The following HMCN2 variants were observed in gnomAD, a reference collection of about 807,000 sequenced individuals.
HMCN2 encodes hemicentin 2.
A neutral mutation model predicts 377.5 loss-of-function variants in HMCN2; 325 were observed. The ratio of observed to expected loss-of-function variants is 0.86; its 90% CI spans 0.79 to 0.94. The LOEUF (loss-of-function observed/expected upper bound fraction) is 0.94. Ranked by LOEUF, HMCN2 falls within the 40% of genes least tolerant of loss-of-function variation. HMCN2 has a pLI of 0.00. For missense variants in HMCN2, 4,543 were observed against 4,725.3 expected (o/e 0.96, Z 1.13); for synonymous variants, 2,007 against 2,046.8 (o/e 0.98, Z 0.53).
In HMCN2 at chr9:130,404,929, T is replaced by G. The variant is rs918675014; in HGVS notation, c.12209T>G (p.Phe4070Cys). 3.1e-6 allele frequency: 4 copies of G among 1,288,532 alleles called. No individual in the cohort carries two copies. The highest frequency in any genetic ancestry group is 1.5e-5 in the African/African-American group (1 of 65,850). The allele number at this position is 1,288,532 out of a possible 1,614,324, so 79.8% of individuals were successfully genotyped here. A position where few individuals can be genotyped will look rare whatever the true frequency, so the allele number is the denominator to read the frequency against. Residue 4070 changes from phenylalanine (F) to cysteine (C), a missense_variant, in exon 81 of 98, where the codon TTC (phenylalanine) becomes TGC (cysteine). Physicochemically the swap from Phe to Cys is radical, Grantham distance 205. Coordinates refer to ENST00000683500, the MANE Select transcript of HMCN2 (RefSeq NM_001291815.2). ...DLSTTEGSHA[F>C]LPCKARGSPE... is the part of the protein sequence containing the mutation. ...TCCACCACCGAAGGCTCCCACGCCT[T>G]CTTGCCTTGCAAGGCGAGGGGCAGT...
At chr9:130,366,467 ATTTT>A (rs71499234) in intron 43 of HMCN2, among the ~76,000 whole-genome samples, 10 of 82,972 alleles carry the variant, frequency 1.2e-4, no homozygotes, top group Non-Finnish European at 1.3e-4. Context: ...CACTTCACCA[ATTTT>A]TTTTTTTTTT....
At chr9:130,294,762 C>A (rs556063868) in intron 4 of HMCN2, 93 bp from the exon 5 acceptor site, 3 of 345,236 alleles carry the variant, frequency 8.7e-6, no homozygotes, top group East Asian at 9.1e-5. Flanking sequence ...TGGCCTTGGG[C>A]GACCTGGAAA....
rs547989442 is a variant in HMCN2 at position 130,433,375 on chromosome 9, C to T, written c.14922C>T (p.Asp4974=). The change falls in exon 98 of 98, where the codon GAC becomes GAT. Residue 4974 remains aspartate (D), a synonymous_variant. Transcript: ENST00000683500. Reference sequence around the variant, plus strand: ...CGTGCTTCCGGCGCTGCTCGCAGGACTGCGGCACGGGCGGCCCCTCTACGC... The same window carrying T: ...CGTGCTTCCGGCGCTGCTCGCAGGATTGCGGCACGGGCGGCCCCTCTACGC... ...PGTCFRRCSQ[D]CGTGGPSTLQ... 4,385 of 1,477,320 alleles carry T rather than the reference C, an allele frequency of 3.0e-3. 12 individuals carry two copies. The highest frequency in any genetic ancestry group is 3.9e-3 in the Admixed American group (167 of 42,762). The allele number at this position is 1,477,320 out of a possible 1,614,324, so 91.5% of individuals were successfully genotyped here.
intron 25 of HMCN2, among the ~76,000 whole-genome samples, chr9:130,344,601 T>C (rs1412648048): frequency 1.3e-5 from 2 of 150,508 alleles, no homozygotes; most frequent in Admixed American, 1.3e-4. Context: ...TGTGTGTATG[T>C]GTATGGTGTT....
chr9:130,289,438 C>G (rs1291129550), intron 4 of HMCN2, among the ~76,000 whole-genome samples: 1 of 152,120 alleles, frequency 6.6e-6, no homozygotes, highest in African/African-American at 2.4e-5. Context: ...CTGGACCCCT[C>G]CCAGGGGGAG....
chr9:130,372,433 G>A, intron 47 of HMCN2, 26 bp downstream of exon 47: 1 of 932,498 alleles, frequency 1.1e-6, no homozygotes, highest in Non-Finnish European at 1.3e-6. Flanking sequence ...ATTCTCATGG[G>A]TGCCCTATGA....
At chr9:130,430,705 A>G in intron 95 of HMCN2, 101 bp downstream of exon 95, 5 of 1,150,418 alleles carry the variant, frequency 4.3e-6, no homozygotes, top group Non-Finnish European at 6.1e-6. Flanking sequence ...AGAAACCCAG[A>G]CCTTCCAGGC....
Position 130,353,087 on chromosome 9 carries a change from TA to T in HMCN2, c.4747del (p.Arg1583GlyfsTer54). The T allele has an allele frequency of 7.7e-7, 1 of 1,304,200 alleles. No individual in the cohort carries two copies. Among genetic ancestry groups the T allele is most frequent in the Non-Finnish European group, 1.0e-6 (1 of 988,932 alleles). 80.8% of individuals were successfully genotyped at this position (1,304,200 alleles called of 1,614,324 possible). Reference sequence around the variant, plus strand: ...CCACCAGCACCAAGGTGGTCTACACTAGGGGCGGTCGGCAGTTGCAGCTGGG... The same window carrying T: ...CCACCAGCACCAAGGTGGTCTACACTGGGGCGGTCGGCAGTTGCAGCTGGG... Reference protein sequence around the residue: ...LPTSTKVVYTRGGRQLQLGRA... With the variant: ...LPTSTKVVYTXGGRQLQLGRA... On this transcript the variant is annotated frameshift_variant, in exon 31 of 98. Coordinates refer to ENST00000683500, the MANE Select transcript of HMCN2 (RefSeq NM_001291815.2). LOFTEE classifies it high-confidence loss of function.
Position 130,428,920 on chromosome 9 carries a change from A to T in HMCN2, c.14197+431A>T, listed in dbSNP as rs955761168. Among the ~76,000 whole-genome samples the T allele has an allele frequency of 2.0e-5, 3 of 152,214 alleles. No homozygotes were observed. Among genetic ancestry groups the T allele is most frequent in the African/African-American group, 7.2e-5 (3 of 41,456 alleles). On this transcript the variant is annotated intron_variant, in intron 93 of 97. Coordinates refer to ENST00000683500, the MANE Select transcript of HMCN2 (RefSeq NM_001291815.2). This position sits in a 1 kb window ranked among gnomAD's most constrained non-coding sequence, Gnocchi z 5.0. Reference sequence around the variant, plus strand: ...TCAGTCAGCCTTTGAGATAAAACTTAGGTGCCACCCCTGGATGGGTGACCT... The same window carrying T: ...TCAGTCAGCCTTTGAGATAAAACTTTGGTGCCACCCCTGGATGGGTGACCT...
chr9:130,404,308 C>T (rs553976910), intron 80 of HMCN2, among the ~76,000 whole-genome samples: 143 of 152,306 alleles, frequency 9.4e-4, no homozygotes, highest in African/African-American at 3.4e-3. Flanking sequence ...TCTCAGTGGC[C>T]ATCCCCGCCC....
At chr9:130,431,181 C>T (rs980553721) in intron 95 of HMCN2, 186 bp from the exon 96 acceptor site, 6 of 628,438 alleles carry the variant, frequency 9.5e-6, no homozygotes, top group Non-Finnish European at 1.4e-5. Context: ...AGGTGGGGCT[C>T]CTCCCTCTCA....
intron 82 of HMCN2, chr9:130,407,242 C>A: frequency 5.5e-6 from 1 of 180,540 alleles, no homozygotes; most frequent in Non-Finnish European, 1.2e-5. Flanking sequence ...AAGAGTGAAA[C>A]TGTCTCAAAG....
intron 30 of HMCN2, among the ~76,000 whole-genome samples, chr9:130,352,460 AAGG>A (rs1467859897): frequency 3.9e-5 from 6 of 152,216 alleles, no homozygotes; most frequent in African/African-American, 1.2e-4. Context: ...ACCCGGATAG[AAGG>A]AGATTTGGGA....
At chr9:130,334,718 TC>T (rs1404314322) in intron 22 of HMCN2, among the ~76,000 whole-genome samples, 6 of 124,950 alleles carry the variant, frequency 4.8e-5, no homozygotes, top group Admixed American at 1.7e-4. Flanking sequence ...TCTCTCTCTC[TC>T]TCTTCTCTCT....
intron 22 of HMCN2, among the ~76,000 whole-genome samples, chr9:130,335,297 G>GC (rs1838685019): frequency 1.3e-5 from 2 of 152,134 alleles, no homozygotes; most frequent in Non-Finnish European, 2.9e-5. Context: ...AATGGATTTG[G>GC]CCGTTGATTG....
rs1314346317 is a variant in HMCN2, at chr9:130,430,483, C to T, written c.14526C>T (p.Ala4842=). The T allele has an allele frequency of 6.3e-5, 97 of 1,550,494 alleles. No homozygotes were observed. Among genetic ancestry groups the T allele is most frequent in the Non-Finnish European group, 7.8e-5 (89 of 1,146,994 alleles). ...TATTGCCCTGGCTGCGGCCCTGGGC[C>T]TCGATCCCCGGTACCTCCTACCACG... is the stretch of plus-strand genomic sequence containing the variant. ...GPLLPWLRPW[A]SIPGTSYHAW... is the part of the protein sequence containing the mutation. The change falls in exon 95 of 98, where the codon GCC becomes GCT. Residue 4842 remains alanine, a synonymous_variant. Transcript: ENST00000683500.
intron 96 of HMCN2, 115 bp downstream of exon 96, chr9:130,431,601 T>C: frequency 2.1e-6 from 3 of 1,413,250 alleles, no homozygotes; most frequent in Non-Finnish European, 2.8e-6. Context: ...ACAACTATCC[T>C]GTGAGGTGGG....
In HMCN2 at chr9:130,423,744, T is replaced by C. The variant is rs17146951; in HGVS notation, c.13381+1018T>C. 0.039 allele frequency among the ~76,000 whole-genome samples: 5,935 copies of C among 152,272 alleles called. 374 individuals are homozygous for C. Among genetic ancestry groups the C allele is most frequent in the African/African-American group, 0.13 (5,575 of 41,526 alleles). ...CCTGCGTGGAGGGCGGGGCATCACATGAAGAAGATCTGAGAATCCACGTCC... is the reference window on the plus strand; with the variant it reads ...CCTGCGTGGAGGGCGGGGCATCACACGAAGAAGATCTGAGAATCCACGTCC... On this transcript the variant is annotated intron_variant, in intron 87 of 97. Coordinates refer to ENST00000683500, the MANE Select transcript of HMCN2 (RefSeq NM_001291815.2). The surrounding 1 kb of genome is among the most constrained non-coding windows in gnomAD (Gnocchi z 5.5).
chr9:130,329,278 A>G (rs997216927), intron 22 of HMCN2, among the ~76,000 whole-genome samples: 12 of 152,106 alleles, frequency 7.9e-5, no homozygotes, highest in South Asian at 6.2e-4. Flanking sequence ...ACCTAACTCA[A>G]TGTCTTCCAG....
Sources: allele counts gnomAD v4.1 joint callset (sites outside exome capture counted in the v4.1 genomes callset), GRCh38; gene constraint gnomAD v4.1.1; non-coding constraint Gnocchi (gnomAD v3.1); transcripts MANE v1.5; gene names NCBI Gene and HGNC (gene_info 2026-07-23, HGNC 2026-07-21).